Variants in EPHA6 observed in about 807,000 individuals in gnomAD.
EPHA6 encodes ephrin type-A receptor 6.
In EPHA6, 50 loss-of-function variants were observed where a neutral mutation model predicts 112.0. The ratio of observed to expected loss-of-function variants is 0.45; its 90% CI spans 0.36 to 0.56. EPHA6 has a LOEUF of 0.56. EPHA6 is among the 20% of genes least tolerant of loss of function. EPHA6 has a pLI of 0.00. For missense variants in EPHA6, 1,280 were observed against 1,417.4 expected (o/e 0.90, Z 1.56); for synonymous variants, 529 against 490.7 (o/e 1.08, Z -1.03).
At chr3:97,743,183 G>A (rs1011262996) in intron 16 of EPHA6, among the ~76,000 whole-genome samples, 1 of 151,984 alleles carries the variant, frequency 6.6e-6, no homozygotes, top group Non-Finnish European at 1.5e-5. Context: ...TACTCTTCTA[G>A]GTTCTTTATT....
intron 10 of EPHA6, among the ~76,000 whole-genome samples, chr3:97,485,802 C>T (rs1301718568): frequency 2.0e-5 from 3 of 152,120 alleles, no homozygotes; most frequent in Non-Finnish European, 4.4e-5. Flanking sequence ...CCATTGCACA[C>T]GATGTTTGGC....
intron 12 of EPHA6, among the ~76,000 whole-genome samples, chr3:97,598,791 T>TTC (rs2093617044): frequency 6.6e-6 from 1 of 151,868 alleles, no homozygotes; most frequent in Non-Finnish European, 1.5e-5. Flanking sequence ...AGTAATGGGA[T>TTC]GGCTGGGTCA....
At chr3:96,983,140 C>T (rs1272718222) in intron 2 of EPHA6, among the ~76,000 whole-genome samples, 1 of 152,110 alleles carries the variant, frequency 6.6e-6, no homozygotes, top group African/African-American at 2.4e-5. Context: ...GCAGTTTCTT[C>T]CTAGCCTCGA....
rs2036019144 is a variant in EPHA6 at position 97,756,104 on chromosome 3, C to CA, written c.*7406dup. ...TAATTCTTCATATTAGTTTATTTTT[C>CA]AAAGTAGTAACTTTTGCTATCTTTA... On this transcript the variant is annotated 3_prime_UTR_variant, in exon 18 of 18. Coordinates refer to ENST00000389672, the MANE Select transcript of EPHA6 (RefSeq NM_001080448.3). 6.6e-6 allele frequency among the ~76,000 whole-genome samples: 1 copy of CA among 151,932 alleles called. No individual in the cohort carries two copies. The highest frequency in any genetic ancestry group is 2.4e-5 in the African/African-American group (1 of 41,424).
chr3:97,369,226 C>A lies in EPHA6; in HGVS notation c.1607-35924C>A, dbSNP rs113209060. 5.5e-3 allele frequency among the ~76,000 whole-genome samples: 840 copies of A among 152,168 alleles called. 11 individuals are homozygous for A. The highest frequency in any genetic ancestry group is 0.019 in the African/African-American group (807 of 41,528). On this transcript the variant is annotated intron_variant, in intron 5 of 17. Transcript: ENST00000389672. ...ATAGATTTGGATTATATTTTAAGTT[C>A]TTTTTGGAAGACACTGAAAGTTTCA...
chr3:97,608,672 G>A (rs886635552), intron 12 of EPHA6, among the ~76,000 whole-genome samples: 4 of 151,210 alleles, frequency 2.6e-5, no homozygotes, highest in Middle Eastern at 3.4e-3. Context: ...AAGCAAATTG[G>A]GAGATTATCC....
intron 5 of EPHA6, among the ~76,000 whole-genome samples, chr3:97,371,145 T>A (rs1311983338): frequency 6.6e-6 from 1 of 152,018 alleles, no homozygotes; most frequent in Non-Finnish European, 1.5e-5. Flanking sequence ...CAATACAAAA[T>A]TCAGCATGGC....
At chr3:96,886,344 A>G (rs1297042402) in intron 2 of EPHA6, among the ~76,000 whole-genome samples, 2 of 152,052 alleles carry the variant, frequency 1.3e-5, no homozygotes, top group Admixed American at 1.3e-4. Flanking sequence ...TGTTTTATAA[A>G]TTTGGGAGCT....
intron 5 of EPHA6, among the ~76,000 whole-genome samples, chr3:97,382,283 C>G (rs1326008727): frequency 6.6e-6 from 1 of 151,948 alleles, no homozygotes. Context: ...AAAAGAAAAG[C>G]CTCTTATGGT....
intron 14 of EPHA6, among the ~76,000 whole-genome samples, chr3:97,693,356 A>G (rs1435742180): frequency 6.6e-6 from 1 of 152,228 alleles, no homozygotes; most frequent in Non-Finnish European, 1.5e-5. Flanking sequence ...TTTTCTAATC[A>G]GAAGCCTGAA....
At chr3:97,421,310 T>A (rs2088612018) in intron 6 of EPHA6, among the ~76,000 whole-genome samples, 1 of 152,102 alleles carries the variant, frequency 6.6e-6, no homozygotes, top group Admixed American at 6.5e-5. Flanking sequence ...TTAAAAAGAT[T>A]ATAGTAAGGT....
intron 3 of EPHA6, among the ~76,000 whole-genome samples, chr3:97,001,017 G>GATATATATATATATATAGATATATATAT (rs57116000): frequency 8.7e-5 from 10 of 114,590 alleles, no homozygotes; most frequent in African/African-American, 3.3e-4. Flanking sequence ...GTCAGAAATT[G>GATATATATATATATATAGATATATATAT]ATATATATAT....
intron 14 of EPHA6, among the ~76,000 whole-genome samples, chr3:97,676,819 G>A (rs1384650438): frequency 6.6e-6 from 1 of 152,138 alleles, no homozygotes; most frequent in African/African-American, 2.4e-5. Context: ...TCTTCAGATA[G>A]CTTTTATTTT....
chr3:97,530,320 C>G (rs2092681200), intron 10 of EPHA6, among the ~76,000 whole-genome samples: 2 of 151,836 alleles, frequency 1.3e-5, no homozygotes, highest in African/African-American at 4.8e-5. Context: ...CTTTCACAAA[C>G]CTACTTTAGT....
At chr3:97,701,556 C>T (rs1359846680) in intron 14 of EPHA6, among the ~76,000 whole-genome samples, 2 of 151,832 alleles carry the variant, frequency 1.3e-5, no homozygotes, top group East Asian at 1.9e-4. Context: ...AAATTCTATA[C>T]TCTCGTATAT....
At chr3:97,236,687 T>C (rs2108566679) in intron 4 of EPHA6, among the ~76,000 whole-genome samples, 1 of 152,262 alleles carries the variant, frequency 6.6e-6, no homozygotes, top group South Asian at 2.1e-4. Flanking sequence ...TTGTGTTTGA[T>C]ATACAGTGAC....
chr3:97,549,547 T>C (rs1220400584), intron 11 of EPHA6, among the ~76,000 whole-genome samples: 3 of 152,176 alleles, frequency 2.0e-5, no homozygotes, highest in African/African-American at 7.2e-5. Context: ...ATATCAGATG[T>C]GAAGAAACCT....
At chr3:97,263,358 A>G (rs1013074792) in intron 5 of EPHA6, among the ~76,000 whole-genome samples, 15 of 151,992 alleles carry the variant, frequency 9.9e-5, no homozygotes, top group African/African-American at 3.6e-4. Flanking sequence ...TGTTCAATAA[A>G]GGAATATATG....
chr3:96,816,077 AGT>A, intron 1 of EPHA6, among the ~76,000 whole-genome samples: 1 of 152,286 alleles, frequency 6.6e-6, no homozygotes, highest in South Asian at 2.1e-4. Flanking sequence ...ATGGCTTGAA[AGT>A]GTTCACTTTT....
Sources: allele counts gnomAD v4.1 joint callset (sites outside exome capture counted in the v4.1 genomes callset), GRCh38; gene constraint gnomAD v4.1.1; transcripts MANE v1.5; gene names NCBI Gene and HGNC (gene_info 2026-07-23, HGNC 2026-07-21).